Variants in RPA1 observed in about 807,000 individuals in gnomAD.
RPA1 encodes replication protein A1, also known as replication protein A 70 kDa DNA-binding subunit.
RPA1 carries 49 observed loss-of-function variants against 83.0 expected under a neutral mutation model. The ratio of observed to expected loss-of-function variants is 0.59; its 90% CI spans 0.47 to 0.75. The LOEUF (loss-of-function observed/expected upper bound fraction) is 0.75, where lower values mean the gene tolerates loss of function less well. Ranked by LOEUF, RPA1 falls within the 30% of genes least tolerant of loss-of-function variation. The probability of loss-of-function intolerance (pLI) is 0.00; values close to 1 mark genes in which losing one functional copy is unlikely to be tolerated. For synonymous variants in RPA1, 279 were observed against 281.8 expected, an observed-to-expected ratio of 0.99 and a Z score of 0.10; for missense variants, 693 against 776.1, an observed-to-expected ratio of 0.89 and a Z score of 1.27.
chr17:1,895,776 G>A (rs771321175), intron 16 of RPA1, among the ~76,000 whole-genome samples: 31 of 151,812 alleles, frequency 2.0e-4, no homozygotes, highest in Admixed American at 7.2e-4. Flanking sequence ...TCCGCCTCCC[G>A]GGTTCAAGTG....
intron 5 of RPA1, among the ~76,000 whole-genome samples, chr17:1,863,591 G>A (rs1913069135): frequency 6.6e-6 from 1 of 152,216 alleles, no homozygotes; most frequent in Non-Finnish European, 1.5e-5. Flanking sequence ...CTGAGTTCAG[G>A]TAATCCACCT....
At chr17:1,894,313 C>T (rs1196348936) in intron 15 of RPA1, among the ~76,000 whole-genome samples, 1 of 151,968 alleles carries the variant, frequency 6.6e-6, no homozygotes, top group Admixed American at 6.6e-5. Context: ...ATTACAGGCA[C>T]CTGCCACTAT....
intron 6 of RPA1, among the ~76,000 whole-genome samples, chr17:1,875,195 G>A (rs1172743695): frequency 6.6e-6 from 1 of 152,218 alleles, no homozygotes; most frequent in Non-Finnish European, 1.5e-5. Flanking sequence ...TCTGGGAGTT[G>A]TCTGGGGATT....
chr17:1,847,890 G>A (rs1275112421), intron 4 of RPA1, among the ~76,000 whole-genome samples: 1 of 151,908 alleles, frequency 6.6e-6, no homozygotes, highest in African/African-American at 2.4e-5. Context: ...CGTGGTGGCG[G>A]GTGCGGCCTG....
intron 5 of RPA1, among the ~76,000 whole-genome samples, chr17:1,860,688 A>G (rs946301422): frequency 1.3e-5 from 2 of 152,120 alleles, no homozygotes; most frequent in African/African-American, 2.4e-5. Flanking sequence ...TGTCTGTGTT[A>G]GGTCCGGATT....
At chr17:1,867,612 G>A (rs1027312407) in intron 5 of RPA1, among the ~76,000 whole-genome samples, 3 of 152,098 alleles carry the variant, frequency 2.0e-5, no homozygotes, top group East Asian at 1.9e-4. Context: ...TCGGGAAGTC[G>A]AGGTGGGAGG....
intron 6 of RPA1, among the ~76,000 whole-genome samples, chr17:1,873,951 C>G (rs1014584665): frequency 2.1e-5 from 3 of 143,122 alleles, no homozygotes; most frequent in African/African-American, 7.9e-5. Context: ...CAAGTTTGCG[C>G]CAGTGCCCTC....
intron 5 of RPA1, chr17:1,872,076 A>G: frequency 3.9e-6 from 1 of 259,472 alleles, no homozygotes; most frequent in Non-Finnish European, 7.7e-6. Flanking sequence ...TGTTGATGAC[A>G]TCGATTTGTT....
chr17:1,877,359 G>A (rs374637130), intron 8 of RPA1, 45 bp downstream of exon 8: 1 of 1,541,420 alleles, frequency 6.5e-7, no homozygotes, highest in Non-Finnish European at 8.9e-7. Flanking sequence ...GGGCTCGCCG[G>A]GAAACAGAAG....
At chr17:1,836,235 C>G (rs997675014) in intron 1 of RPA1, among the ~76,000 whole-genome samples, 7 of 150,316 alleles carry the variant, frequency 4.7e-5, no homozygotes, top group African/African-American at 1.7e-4. Context: ...CCTCAGTCTC[C>G]TTAGTAATTG....
chr17:1,838,954 C>CA (rs1911934270), intron 1 of RPA1, among the ~76,000 whole-genome samples: 2 of 151,780 alleles, frequency 1.3e-5, no homozygotes, highest in African/African-American at 4.8e-5. Context: ...GGATTCACAG[C>CA]ATTCTCCTGC....
rs1914524239 is a variant in RPA1, at chr17:1,898,339, A to T, written c.*1164A>T. On this transcript the variant is annotated 3_prime_UTR_variant, in exon 17 of 17. Transcript: ENST00000254719. ...ATGTTTACGCAGCAGTCTAACACCAACCACGCTTTGAAATGTGTACAGACA... is the reference window on the plus strand; with the variant it reads ...ATGTTTACGCAGCAGTCTAACACCATCCACGCTTTGAAATGTGTACAGACA... The T allele has an allele frequency of 6.6e-6, 1 of 152,244 alleles. No individual in the cohort carries two copies. 9.4% of individuals were successfully genotyped at this position (152,244 alleles called of 1,614,324 possible).
rs756754998 is a variant in RPA1, at chr17:1,853,208, G to T, written c.361+19G>T. On this transcript the variant is annotated intron_variant, in intron 5 of 16. Coordinates refer to ENST00000254719, the MANE Select transcript of RPA1 (RefSeq NM_002945.5). The stretch of plus-strand genomic sequence containing the variant: ...AATGAAGGTAAAATGCTTTGGCGTA[G>T]GTTGTAGCACTCAAATGAATACCTC... 3 of 1,583,440 alleles carry T rather than the reference G, an allele frequency of 1.9e-6. No homozygotes were observed. The highest frequency in any genetic ancestry group is 1.7e-6 in the Non-Finnish European group (2 of 1,152,156).
chr17:1,877,633 C>T, intron 8 of RPA1, among the ~76,000 whole-genome samples: 1 of 152,134 alleles, frequency 6.6e-6, no homozygotes, highest in Non-Finnish European at 1.5e-5. Context: ...AAGTAGTTTT[C>T]TAAATATATA....
intron 16 of RPA1, among the ~76,000 whole-genome samples, chr17:1,895,659 G>GTAT (rs149258342): frequency 0.011 from 1,575 of 141,788 alleles, 20 homozygotes; most frequent in Middle Eastern, 0.025. Flanking sequence ...ATACCATATA[G>GTAT]TATTTATTTA....
intron 12 of RPA1, among the ~76,000 whole-genome samples, chr17:1,883,058 G>A (rs967992423): frequency 3.3e-5 from 5 of 151,914 alleles, no homozygotes; most frequent in African/African-American, 1.2e-4. Context: ...AGTGCCTCAC[G>A]CCCTGTAATC....
Position 1,842,869 on chromosome 17 carries a change from T to G in RPA1, c.84+16T>G. On this transcript the variant is annotated intron_variant, in intron 2 of 16. Coordinates refer to ENST00000254719, the MANE Select transcript of RPA1 (RefSeq NM_002945.5). ...CCAAGTCATCGTAAGTACCTGCGTA[T>G]GTTATGTTCCATGTCAACTTCTTTG... 1 of 1,612,972 alleles carries G rather than the reference T, an allele frequency of 6.2e-7. No homozygotes were observed. The highest frequency in any genetic ancestry group is 1.1e-5 in the South Asian group (1 of 91,048).
At chr17:1,869,057 C>T (rs1913285860) in intron 5 of RPA1, among the ~76,000 whole-genome samples, 2 of 152,216 alleles carry the variant, frequency 1.3e-5, no homozygotes, top group Non-Finnish European at 1.5e-5. Context: ...ATTGGATTGA[C>T]TCTTCTACAT....
intron 5 of RPA1, among the ~76,000 whole-genome samples, chr17:1,854,887 G>A (rs1256966055): frequency 6.6e-6 from 1 of 152,118 alleles, no homozygotes; most frequent in Non-Finnish European, 1.5e-5. Context: ...AAAACAAATG[G>A]CTAATACATT....
Sources: allele counts gnomAD v4.1 joint callset (sites outside exome capture counted in the v4.1 genomes callset), GRCh38; gene constraint gnomAD v4.1.1; transcripts MANE v1.5; gene names NCBI Gene and HGNC (gene_info 2026-07-23, HGNC 2026-07-21).